MTCL2: variants seen among roughly 807,000 people sequenced by gnomAD.
MTCL2 encodes the protein microtubule crosslinking factor 2.
At chr20:36,790,978 T>G in the MTCL2 span, among the ~76,000 whole-genome samples, 1 of 152,164 alleles carries the variant, frequency 6.6e-6, no homozygotes, top group African/African-American at 2.4e-5. Context: ...GCTGTAGATA[T>G]GGCACACTTT....
At chr20:36,792,889 CAGACAGACAGAT>C in the MTCL2 span, among the ~76,000 whole-genome samples, 4 of 150,432 alleles carry the variant, frequency 2.7e-5, no homozygotes, top group African/African-American at 1.0e-4. Context: ...GACAGACAGA[CAGACAGACAGAT>C]AGATAATTTT....
chr20:36,781,080 ACTT>A, the MTCL2 span: 6 of 152,142 alleles, frequency 3.9e-5, no homozygotes, highest in African/African-American at 1.2e-4. Flanking sequence ...TTGCTTTTTT[ACTT>A]CTTATTTTTA....
the MTCL2 span, among the ~76,000 whole-genome samples, chr20:36,827,839 G>C: frequency 6.6e-6 from 1 of 152,182 alleles, no homozygotes; most frequent in Non-Finnish European, 1.5e-5. Context: ...TCACTATCAA[G>C]GGTTGCAGCA....
At chr20:36,817,294 A>G in the MTCL2 span, 443 of 985,234 alleles carry the variant, frequency 4.5e-4, no homozygotes, top group Admixed American at 1.5e-3. Context: ...AGAAAAGAAA[A>G]AAAGGAAAAT....
the MTCL2 span, among the ~76,000 whole-genome samples, chr20:36,849,439 T>A: frequency 1.3e-5 from 2 of 152,062 alleles, no homozygotes; most frequent in Non-Finnish European, 2.9e-5. Context: ...CACTTTTTAC[T>A]TATTTTATTC....
chr20:36,812,157 G>A, the MTCL2 span, among the ~76,000 whole-genome samples: 1 of 152,192 alleles, frequency 6.6e-6, no homozygotes, highest in Non-Finnish European at 1.5e-5. Context: ...GAGTCCCAGA[G>A]ATGTGTCATT....
chr20:36,802,705 GGATCCA>G, the MTCL2 span: 1 of 953,358 alleles, frequency 1.0e-6, no homozygotes, highest in Non-Finnish European at 1.5e-6. Context: ...CTAAGTGCCT[GGATCCA>G]GCTATACCTG....
chr20:36,817,779 C>G, the MTCL2 span, among the ~76,000 whole-genome samples: 1 of 152,274 alleles, frequency 6.6e-6, no homozygotes, highest in African/African-American at 2.4e-5. Context: ...AGCTGTGTTT[C>G]TGTTCTCATT....
At chr20:36,793,091 G>A in the MTCL2 span, 1 of 890,400 alleles carries the variant, frequency 1.1e-6, no homozygotes, top group African/African-American at 1.7e-5. The surrounding 1 kb of genome is among the most constrained non-coding windows in gnomAD (Gnocchi z 6.8). Flanking sequence ...TTTTAGTAGA[G>A]ATGGGGTTTC....
the MTCL2 span, among the ~76,000 whole-genome samples, chr20:36,814,824 T>C: frequency 6.6e-6 from 1 of 152,032 alleles, no homozygotes; most frequent in South Asian, 2.1e-4. Context: ...GAGTTGGAGG[T>C]TACAGTGAGC....
the MTCL2 span, among the ~76,000 whole-genome samples, chr20:36,861,824 C>T: frequency 6.6e-6 from 1 of 152,250 alleles, no homozygotes; most frequent in Non-Finnish European, 1.5e-5. Flanking sequence ...AGTAGGTGCT[C>T]ATGTCCACTG....
chr20:36,812,110 A>T, the MTCL2 span, among the ~76,000 whole-genome samples: 1 of 152,220 alleles, frequency 6.6e-6, no homozygotes, highest in African/African-American at 2.4e-5. Context: ...GTCACACAGG[A>T]ACACTGGTAG....
the MTCL2 span, among the ~76,000 whole-genome samples, chr20:36,805,348 T>C: frequency 6.6e-6 from 1 of 152,128 alleles, no homozygotes; most frequent in Non-Finnish European, 1.5e-5. Context: ...TTCCCATCCC[T>C]ACCCCAGCTC....
the MTCL2 span, among the ~76,000 whole-genome samples, chr20:36,837,060 C>T: frequency 2.6e-5 from 4 of 152,234 alleles, no homozygotes; most frequent in Non-Finnish European, 4.4e-5. Context: ...GTGGCTGACT[C>T]GCATCCTGCC....
the MTCL2 span, chr20:36,817,524 G>A: frequency 6.7e-7 from 1 of 1,486,578 alleles, no homozygotes; most frequent in Non-Finnish European, 9.0e-7. Flanking sequence ...AAAGCTCACA[G>A]AATGATGCAC....
chr20:36,786,585 G>A, the MTCL2 span: 68 of 1,550,960 alleles, frequency 4.4e-5, no homozygotes, highest in Non-Finnish European at 5.4e-5. Context: ...AGAGCGGGAC[G>A]ATCGGGCGAA....
the MTCL2 span, among the ~76,000 whole-genome samples, chr20:36,808,899 G>A: frequency 6.6e-6 from 1 of 152,332 alleles, no homozygotes; most frequent in East Asian, 1.9e-4. Context: ...CTATTCAGAT[G>A]AGCACTGCCC....
the MTCL2 span, among the ~76,000 whole-genome samples, chr20:36,801,784 G>A: frequency 2.0e-5 from 3 of 151,652 alleles, no homozygotes; most frequent in African/African-American, 7.3e-5. Flanking sequence ...TGGCCAACAT[G>A]GTGAACCCCA....
chr20:36,779,445 C>G, the MTCL2 span: 3 of 152,722 alleles, frequency 2.0e-5, no homozygotes, highest in East Asian at 1.9e-4. Flanking sequence ...AAGCCCCCCC[C>G]ACCCACCACC....
Sources: gnomAD v4.1 joint callset for allele counts (sites outside exome capture counted in the v4.1 genomes callset) on GRCh38, gnomAD v4.1.1 for gene constraint, Gnocchi (gnomAD v3.1) non-coding constraint, MANE v1.5 for transcripts, NCBI Gene and HGNC (gene_info 2026-07-23, HGNC 2026-07-21) for gene names.